The following HAT1 variants were observed in gnomAD, a reference collection of about 807,000 sequenced individuals.
HAT1 encodes histone acetyltransferase 1.
Under a neutral mutation model 56.6 loss-of-function variants are expected in HAT1, and 20 were observed. That is an observed-to-expected ratio of 0.35 (90% CI 0.25 to 0.51). The LOEUF (loss-of-function observed/expected upper bound fraction) is 0.51. Among genes scored for constraint, HAT1 ranks in the 20% least tolerant of loss-of-function variants. The pLI, the probability that HAT1 is intolerant of heterozygous loss-of-function variation, is 0.95. For missense variants in HAT1, 408 were observed against 504.3 expected (o/e 0.81, Z 1.83); for synonymous variants, 146 against 165.5 (o/e 0.88, Z 0.91).
intron 8 of HAT1, among the ~76,000 whole-genome samples, chr2:171,974,176 AAAAAAAAAAAAAAAAAG>A (rs1197012932): frequency 7.1e-5 from 7 of 99,144 alleles, no homozygotes; most frequent in Admixed American, 2.5e-4. Context: ...CCTGTCTCAA[AAAAAAAAAAAAAAAAAG>A]AAAAAAAGAA....
chr2:171,968,983 C>T (rs1687749942), intron 8 of HAT1, among the ~76,000 whole-genome samples: 1 of 152,166 alleles, frequency 6.6e-6, no homozygotes, highest in Non-Finnish European at 1.5e-5. Context: ...TATCTTACTT[C>T]CAATGGATGG....
At position 171,979,233 on chromosome 2, in the gene HAT1, T is replaced by C; in HGVS notation, c.976-14T>C. 1 of 1,245,048 alleles carries C rather than the reference T, an allele frequency of 8.0e-7. No homozygotes were observed. The highest frequency in any genetic ancestry group is 1.1e-6 in the Non-Finnish European group (1 of 871,898). 77.1% of individuals were successfully genotyped at this position (1,245,048 alleles called of 1,614,324 possible). On this transcript the variant is annotated splice_polypyrimidine_tract_variant and intron_variant, in intron 9 of 10. Coordinates refer to ENST00000264108, the MANE Select transcript of HAT1 (RefSeq NM_003642.4). ...ACTTTGAAAATGTTCGCATTTTCTT[T>C]TGTTTCATTCTAGCAACACGCTAGA...
chr2:171,948,229 G>T (rs1687219510), intron 3 of HAT1, among the ~76,000 whole-genome samples: 1 of 151,996 alleles, frequency 6.6e-6, no homozygotes. Context: ...TAAAAATTCA[G>T]GAAATTTAAC....
intron 3 of HAT1, 87 bp downstream of exon 3, chr2:171,946,870 A>T: frequency 1.5e-6 from 1 of 659,358 alleles, no homozygotes; most frequent in East Asian, 2.9e-5. Context: ...ATCAAATTTT[A>T]TTTTCTTCTT....
At chr2:171,930,234 G>A (rs145950606) in intron 2 of HAT1, among the ~76,000 whole-genome samples, 94 of 152,228 alleles carry the variant, frequency 6.2e-4, no homozygotes, top group African/African-American at 2.1e-3. Context: ...GTGCAGTAGC[G>A]TGATCTCCAC....
intron 4 of HAT1, among the ~76,000 whole-genome samples, chr2:171,960,787 G>T (rs771114463): frequency 2.6e-5 from 4 of 151,896 alleles, no homozygotes; most frequent in African/African-American, 4.8e-5. Context: ...TGACTCAGGA[G>T]GATCATTTGA....
chr2:171,947,849 A>G (rs369381471), intron 3 of HAT1, among the ~76,000 whole-genome samples: 1 of 152,248 alleles, frequency 6.6e-6, no homozygotes, highest in East Asian at 1.9e-4. Flanking sequence ...ACTGCACTCC[A>G]GCCTGTGCGA....
chr2:171,958,245 T>C (rs1190705903), intron 4 of HAT1, among the ~76,000 whole-genome samples: 1 of 152,064 alleles, frequency 6.6e-6, no homozygotes, highest in Non-Finnish European at 1.5e-5. Flanking sequence ...TATAATAATA[T>C]CCTGATTAAA....
At chr2:171,956,246 G>A (rs1687443383) in intron 4 of HAT1, among the ~76,000 whole-genome samples, 3 of 150,880 alleles carry the variant, frequency 2.0e-5, no homozygotes, top group African/African-American at 7.3e-5. Context: ...CACTTTGGGA[G>A]GCCAAGGTAG....
chr2:171,922,694 C>G (rs1480284971), intron 1 of HAT1, 187 bp downstream of exon 1: 1 of 425,620 alleles, frequency 2.3e-6, no homozygotes, highest in Non-Finnish European at 4.0e-6. Context: ...TCCGCGCCCC[C>G]GCCCCCAACT....
At chr2:171,932,860 C>T (rs548474091) in intron 2 of HAT1, among the ~76,000 whole-genome samples, 46 of 152,154 alleles carry the variant, frequency 3.0e-4, no homozygotes, top group South Asian at 6.2e-4. Flanking sequence ...CAGAGCCAGA[C>T]GCTGTCTCAA....
chr2:171,943,390 G>A (rs1574043804), intron 2 of HAT1, among the ~76,000 whole-genome samples: 2 of 105,920 alleles, frequency 1.9e-5, no homozygotes, highest in East Asian at 3.3e-4. Flanking sequence ...CAGCCTGGGC[G>A]ACAGAGAGAG....
At chr2:171,934,703 A>G (rs1235953377) in intron 2 of HAT1, among the ~76,000 whole-genome samples, 2 of 151,452 alleles carry the variant, frequency 1.3e-5, no homozygotes, top group African/African-American at 4.8e-5. Context: ...CCACGTCCAG[A>G]TGAAAGTGTG....
At position 171,976,142 on chromosome 2, in the gene HAT1, GCTTT is replaced by G; in HGVS notation, c.824-14_824-11del. 1 of 1,405,608 alleles carries G rather than the reference GCTTT, an allele frequency of 7.1e-7. No individual in the cohort carries two copies. The highest frequency in any genetic ancestry group is 9.4e-7 in the Non-Finnish European group (1 of 1,065,210). The allele number at this position is 1,405,608 out of a possible 1,614,324, so 87.1% of individuals were successfully genotyped here. A position where few individuals can be genotyped will look rare whatever the true frequency, so the allele number is the denominator to read the frequency against. ...ATCAGGGAAATGTTAATATTATTCT[GCTTT>G]ATTTATTTAGCGGAAGATCCATCCA... On this transcript the variant is annotated splice_polypyrimidine_tract_variant and intron_variant, in intron 8 of 10. Transcript: ENST00000264108.
In HAT1 at chr2:171,943,009, AT is replaced by A. The variant is rs573073198; in HGVS notation, c.113-3695del. 6.2e-3 allele frequency among the ~76,000 whole-genome samples: 944 copies of A among 151,892 alleles called. 6 individuals carry two copies. Among genetic ancestry groups the A allele is most frequent in the Non-Finnish European group, 9.6e-3 (652 of 67,978 alleles). Reference sequence around the variant, plus strand: ...TTCACAATTTCTAGATTTTCCAAACATTTTCAAACATTAGAGATGTAGTAGT... The same window carrying A: ...TTCACAATTTCTAGATTTTCCAAACATTTCAAACATTAGAGATGTAGTAGT... On this transcript the variant is annotated intron_variant, in intron 2 of 10. Coordinates refer to ENST00000264108, the MANE Select transcript of HAT1 (RefSeq NM_003642.4).
chr2:171,979,110 T>G (rs1688064388), intron 9 of HAT1, 137 bp from the exon 10 acceptor site: 1 of 611,408 alleles, frequency 1.6e-6, no homozygotes, highest in Non-Finnish European at 3.0e-6. Flanking sequence ...TGAGGGCAAC[T>G]ACTTTTATTG....
intron 4 of HAT1, among the ~76,000 whole-genome samples, chr2:171,963,575 ATTTT>A (rs1018252572): frequency 2.0e-5 from 3 of 152,216 alleles, no homozygotes; most frequent in African/African-American, 7.2e-5. Context: ...TCTTAAAGTG[ATTTT>A]TAAACTGATA....
chr2:171,955,853 T>C (rs1687427500), intron 4 of HAT1, among the ~76,000 whole-genome samples: 1 of 151,616 alleles, frequency 6.6e-6, no homozygotes, highest in Non-Finnish European at 1.5e-5. Flanking sequence ...GAGTCCAGCC[T>C]GGCCAACATA....
chr2:171,933,949 C>T (rs753126858), intron 2 of HAT1, among the ~76,000 whole-genome samples: 3 of 152,050 alleles, frequency 2.0e-5, no homozygotes, highest in Admixed American at 6.6e-5. Context: ...GACTTTCTAG[C>T]GATTAGGACA....
Sources: gnomAD v4.1 joint callset for allele counts (sites outside exome capture counted in the v4.1 genomes callset) on GRCh38, gnomAD v4.1.1 for gene constraint, MANE v1.5 for transcripts, NCBI Gene and HGNC (gene_info 2026-07-23, HGNC 2026-07-21) for gene names.